Variants in COA1 observed in about 807,000 individuals in gnomAD.
COA1 encodes the protein cytochrome c oxidase assembly factor 1.
COA1 carries 13 observed loss-of-function variants against 16.0 expected under a neutral mutation model. That is an observed-to-expected ratio of 0.81 (90% CI 0.53 to 1.29). The LOEUF is 1.29. Ranked by LOEUF, COA1 falls within the 50% of genes most tolerant of loss-of-function variation. The pLI is 0.00. For synonymous variants in COA1, 65 were observed against 65.7 expected, an observed-to-expected ratio of 0.99 and a Z score of 0.05; for missense variants, 179 against 177.0, an observed-to-expected ratio of 1.01 and a Z score of -0.06.
Position 43,691,325 on chromosome 7 carries a change from GAA to G in COA1, c.-39+38102_-39+38103del, listed in dbSNP as rs1201850007. Reference sequence around the variant, plus strand: ...AGAAAGAAAGAAAGAAAGAAAGAAAGAAAGAGAAAGAGAGAGAGGGAGGGAGG... The same window carrying G: ...AGAAAGAAAGAAAGAAAGAAAGAAAGAGAGAAAGAGAGAGAGGGAGGGAGG... On this transcript the variant is annotated intron_variant, in intron 1 of 5. Coordinates refer to ENST00000223336, the MANE Select transcript of COA1 (RefSeq NM_018224.4). Among the ~76,000 whole-genome samples, 615 of 96,450 alleles carry G rather than the reference GAA, an allele frequency of 6.4e-3. 6 individuals carry two copies. Among genetic ancestry groups the G allele is most frequent in the Non-Finnish European group, 9.2e-3 (437 of 47,520 alleles). 63.3% of individuals were successfully genotyped at this position (96,450 alleles called of 152,430 possible).
Position 43,644,764 on chromosome 7 carries a change from A to ATAGATAGATAGATAGAT in COA1, c.264+486_264+487insATCTATCTATCTATCTA, listed in dbSNP as rs1563228896. ...TAGATAGATAGATAGATAGATAGGCAGGCAGGCAGGCAGGCAGGCAGGCAG... is the reference window on the plus strand; with the variant it reads ...TAGATAGATAGATAGATAGATAGGCATAGATAGATAGATAGATGGCAGGCAGGCAGGCAGGCAGGCAG... On this transcript the variant is annotated intron_variant, in intron 4 of 5. Transcript: ENST00000223336. Among the ~76,000 whole-genome samples the ATAGATAGATAGATAGAT allele has an allele frequency of 5.4e-4, 40 of 74,698 alleles. 1 individual carries two copies. The highest frequency in any genetic ancestry group is 1.1e-3 in the Admixed American group (7 of 6,232). The allele number at this position is 74,698 out of a possible 152,430, so 49.0% of individuals were successfully genotyped here. A position where few individuals can be genotyped will look rare whatever the true frequency, so the allele number is the denominator to read the frequency against.
Position 43,639,357 on chromosome 7 carries a change from G to T in COA1, c.*225C>A. 6 of 384,090 alleles carry T rather than the reference G, an allele frequency of 1.6e-5. 1 individual carries two copies. In the South Asian group the frequency reaches 3.2e-4, roughly 20 times the overall value. The allele number at this position is 384,090 out of a possible 1,614,324, so 23.8% of individuals were successfully genotyped here. A position where few individuals can be genotyped will look rare whatever the true frequency, so the allele number is the denominator to read the frequency against. On this transcript the variant is annotated 3_prime_UTR_variant, in exon 6 of 6. Transcript: ENST00000223336. The stretch of plus-strand genomic sequence containing the variant: ...TTACATTATCTTAAATTTATAATAG[G>T]AGTTTCTTTCGGATTCAGTTTAAAA...
intron 1 of COA1, among the ~76,000 whole-genome samples, chr7:43,699,813 G>C (rs147290405): frequency 8.5e-4 from 130 of 152,200 alleles, no homozygotes; most frequent in Middle Eastern, 3.4e-3. Flanking sequence ...TTAAGCAGGA[G>C]GTGCGGAATT....
intron 1 of COA1, among the ~76,000 whole-genome samples, chr7:43,710,348 CAAAAAAAAA>C (rs1165121530): frequency 1.1e-4 from 6 of 52,450 alleles, no homozygotes; most frequent in Non-Finnish European, 1.4e-4. Context: ...GACTCTGTCT[CAAAAAAAAA>C]AAAAAAAAAA....
intron 1 of COA1, 132 bp from the exon 2 acceptor site, chr7:43,648,784 C>G (rs1023515495): frequency 2.6e-5 from 17 of 659,322 alleles, no homozygotes; most frequent in Admixed American, 2.4e-4. Flanking sequence ...AACTCTAAAA[C>G]AAGCCTTGTC....
chr7:43,640,670 A>G (rs1481446047), intron 4 of COA1, 21 bp from the exon 5 acceptor site: 1 of 1,521,344 alleles, frequency 6.6e-7, no homozygotes, highest in African/African-American at 1.4e-5. Context: ...AAAATGACAG[A>G]AAGGAGAGAT....
rs1585154209 is a variant in COA1 at position 43,699,077 on chromosome 7, G to C, written c.-39+30352C>G. 1.3e-5 allele frequency among the ~76,000 whole-genome samples: 2 copies of C among 152,254 alleles called. 1 individual carries two copies. The highest frequency in any genetic ancestry group is 4.1e-4 in the South Asian group (2 of 4,820). Reference sequence around the variant, plus strand: ...GGAAAACTCAGAACAGCGTGGGTTAGGAAAGCTACAATTATATCTTGACTG... The same window carrying C: ...GGAAAACTCAGAACAGCGTGGGTTACGAAAGCTACAATTATATCTTGACTG... On this transcript the variant is annotated intron_variant, in intron 1 of 5. Coordinates refer to ENST00000223336, the MANE Select transcript of COA1 (RefSeq NM_018224.4).
chr7:43,615,930 G>A (rs115043479), intron 6 of COA1, among the ~76,000 whole-genome samples: 318 of 152,136 alleles, frequency 2.1e-3, no homozygotes, highest in African/African-American at 7.5e-3. Context: ...AAGATAACAT[G>A]CCCATGCACA....
At chr7:43,706,379 T>A (rs1026119213) in intron 1 of COA1, among the ~76,000 whole-genome samples, 5 of 149,930 alleles carry the variant, frequency 3.3e-5, no homozygotes, top group African/African-American at 4.9e-5. Context: ...TACAAAAAAA[T>A]AAATAAATAA....
At chr7:43,699,162 C>T (rs967538295) in intron 1 of COA1, among the ~76,000 whole-genome samples, 1 of 152,010 alleles carries the variant, frequency 6.6e-6, no homozygotes, top group African/African-American at 2.4e-5. Context: ...CGTAAAAGAA[C>T]ACACCCTTAA....
chr7:43,631,068 A>G (rs537776719), intron 6 of COA1: 2 of 151,814 alleles, frequency 1.3e-5, no homozygotes, highest in East Asian at 3.9e-4. Flanking sequence ...TTTTTTTTTA[A>G]ATGTTTCCTT....
At chr7:43,682,148 T>C (rs1039631454) in intron 1 of COA1, among the ~76,000 whole-genome samples, 2 of 152,194 alleles carry the variant, frequency 1.3e-5, no homozygotes, top group African/African-American at 4.8e-5. Context: ...CTCCAAGGTA[T>C]GAACAACAGG....
At chr7:43,710,017 G>T (rs1407782451) in intron 1 of COA1, among the ~76,000 whole-genome samples, 2 of 152,062 alleles carry the variant, frequency 1.3e-5, no homozygotes, top group Non-Finnish European at 2.9e-5. Flanking sequence ...ATAAATGAAA[G>T]TAAAAATAAC....
intron 2 of COA1, chr7:43,648,074 T>G: frequency 5.1e-6 from 1 of 194,858 alleles, no homozygotes. Flanking sequence ...CACTGGCTCC[T>G]TTCATATTTT....
chr7:43,609,310 T>C (rs2082668389), exon 7 of COA1: 1 of 152,284 alleles, frequency 6.6e-6, no homozygotes, highest in Admixed American at 6.5e-5. Flanking sequence ...TCACTCTGAT[T>C]ACACCAGCGT....
intron 1 of COA1, among the ~76,000 whole-genome samples, chr7:43,724,933 G>T (rs1285290424): frequency 2.6e-5 from 4 of 152,210 alleles, no homozygotes; most frequent in Non-Finnish European, 5.9e-5. Context: ...AATGGGTGCA[G>T]TGTGTGGAGA....
chr7:43,691,890 G>A (rs1244642760), intron 1 of COA1, among the ~76,000 whole-genome samples: 4 of 152,180 alleles, frequency 2.6e-5, no homozygotes, highest in African/African-American at 7.2e-5. Context: ...GGCTACAGCC[G>A]TTTGGCCCAG....
At chr7:43,691,335 G>GAAAGAA (rs1563382782) in intron 1 of COA1, among the ~76,000 whole-genome samples, 8 of 34,464 alleles carry the variant, frequency 2.3e-4, no homozygotes, top group Admixed American at 8.4e-4. Context: ...GAAAGAGAAA[G>GAAAGAA]AGAGAGAGGG....
At chr7:43,692,114 G>A (rs2131043143) in intron 1 of COA1, among the ~76,000 whole-genome samples, 1 of 152,250 alleles carries the variant, frequency 6.6e-6, no homozygotes, top group East Asian at 1.9e-4. Context: ...TCACAGCCTG[G>A]GAATTATCCA....
Sources: allele counts gnomAD v4.1 joint callset (sites outside exome capture counted in the v4.1 genomes callset), GRCh38; gene constraint gnomAD v4.1.1; transcripts MANE v1.5; gene names NCBI Gene and HGNC (gene_info 2026-07-23, HGNC 2026-07-21).